The following TMTC2 variants were observed in gnomAD, a reference collection of about 807,000 sequenced individuals.
The protein encoded by TMTC2 is transmembrane O-mannosyltransferase targeting cadherins 2, also known as protein O-mannosyl-transferase TMTC2.
Under a neutral mutation model 82.4 loss-of-function variants are expected in TMTC2, and 43 were observed. That is an observed-to-expected ratio of 0.52 (90% CI 0.41 to 0.67). The LOEUF (loss-of-function observed/expected upper bound fraction) is 0.67, where lower values mean the gene tolerates loss of function less well. Ranked by LOEUF, TMTC2 falls within the 30% of genes least tolerant of loss-of-function variation. The pLI, the probability that TMTC2 is intolerant of heterozygous loss-of-function variation, is 0.00. For synonymous variants in TMTC2, 408 were observed against 381.9 expected, an observed-to-expected ratio of 1.07 and a Z score of -0.80; for missense variants, 919 against 1,012.4, an observed-to-expected ratio of 0.91 and a Z score of 1.25.
chr12:82,745,160 T>A (rs749633115), intron 1 of TMTC2, among the ~76,000 whole-genome samples: 3 of 152,046 alleles, frequency 2.0e-5, no homozygotes, highest in Non-Finnish European at 4.4e-5. Context: ...TCTCTTCGTG[T>A]GTGTGCCCTT....
chr12:83,104,083 T>C (rs1255421544), intron 11 of TMTC2, among the ~76,000 whole-genome samples: 8 of 152,224 alleles, frequency 5.3e-5, no homozygotes, highest in Non-Finnish European at 7.3e-5. Flanking sequence ...ATGTCCCACA[T>C]CCAGGGCACA....
At chr12:82,818,582 A>G (rs1868890432) in intron 1 of TMTC2, among the ~76,000 whole-genome samples, 1 of 152,190 alleles carries the variant, frequency 6.6e-6, no homozygotes, top group Non-Finnish European at 1.5e-5. Context: ...GTGTAAATGT[A>G]AAGGCATCCC....
At chr12:82,983,871 C>A (rs1417767328) in intron 7 of TMTC2, among the ~76,000 whole-genome samples, 1 of 151,824 alleles carries the variant, frequency 6.6e-6, no homozygotes, top group Non-Finnish European at 1.5e-5. Context: ...TGTATCTTTT[C>A]TGTTATATAA....
At chr12:82,918,218 T>C (rs1321103353) in intron 3 of TMTC2, among the ~76,000 whole-genome samples, 2 of 152,204 alleles carry the variant, frequency 1.3e-5, no homozygotes, top group Admixed American at 6.5e-5. Context: ...CAAAATTGGC[T>C]TTTAATCTGA....
chr12:82,972,893 T>C lies in TMTC2; in HGVS notation c.1948+5896T>C, dbSNP rs151029013. On this transcript the variant is annotated intron_variant, in intron 7 of 11. Coordinates refer to ENST00000321196, the MANE Select transcript of TMTC2 (RefSeq NM_152588.3). ...TTTTTGTTGGATTCTTCTGTGTGTG[T>C]ATGTGCATGTGTGTTTACCTCACCT... Among the ~76,000 whole-genome samples the C allele has an allele frequency of 4.7e-3, 709 of 152,296 alleles. 4 individuals are homozygous for C. Among genetic ancestry groups the C allele is most frequent in the African/African-American group, 0.016 (665 of 41,560 alleles).
At chr12:82,820,973 C>G (rs769672919) in intron 1 of TMTC2, among the ~76,000 whole-genome samples, 1 of 152,024 alleles carries the variant, frequency 6.6e-6, no homozygotes, top group Admixed American at 6.6e-5. Context: ...ATCTTCCTGC[C>G]TCCACTTCTG....
chr12:82,809,087 TA>T (rs1270184516), intron 1 of TMTC2, among the ~76,000 whole-genome samples: 3 of 148,908 alleles, frequency 2.0e-5, no homozygotes, highest in African/African-American at 7.3e-5. Flanking sequence ...TTATATAATT[TA>T]TATATTATTT....
chr12:82,751,991 G>T (rs1876031529), intron 1 of TMTC2, among the ~76,000 whole-genome samples: 1 of 152,070 alleles, frequency 6.6e-6, no homozygotes, highest in African/African-American at 2.4e-5. Context: ...TTGGCTATTG[G>T]TGTTTAAACG....
intron 1 of TMTC2, among the ~76,000 whole-genome samples, chr12:82,814,528 T>C (rs903348546): frequency 1.3e-5 from 2 of 152,176 alleles, no homozygotes; most frequent in African/African-American, 4.8e-5. Context: ...ATGTTGAGCA[T>C]AGTCATCTCC....
chr12:82,972,506 G>C (rs1878494278), intron 7 of TMTC2, among the ~76,000 whole-genome samples: 2 of 152,052 alleles, frequency 1.3e-5, no homozygotes, highest in African/African-American at 4.8e-5. Context: ...TTATTGGGCT[G>C]TTCACAGAGA....
rs1878264797 is a variant in TMTC2 at position 82,967,462 on chromosome 12, T to C, written c.1948+465T>C. On this transcript the variant is annotated intron_variant, in intron 7 of 11. Coordinates refer to ENST00000321196, the MANE Select transcript of TMTC2 (RefSeq NM_152588.3). ...GATATGCTACAACAATTATTCTATG[T>C]TTTATGTTGAAAAATTGCCTAATTC... Among the ~76,000 whole-genome samples, 7 of 152,104 alleles carry C rather than the reference T, an allele frequency of 4.6e-5. No homozygotes were observed. The South Asian group carries it at 1.5e-3, about 32-fold the overall frequency.
intron 4 of TMTC2, among the ~76,000 whole-genome samples, chr12:82,948,978 G>A (rs780713165): frequency 2.0e-5 from 3 of 151,998 alleles, no homozygotes; most frequent in Non-Finnish European, 2.9e-5. Context: ...ACTCAGCATT[G>A]GCGCTGCTTT....
intron 1 of TMTC2, among the ~76,000 whole-genome samples, chr12:82,839,599 A>T (rs1870228099): frequency 6.6e-6 from 1 of 152,174 alleles, no homozygotes; most frequent in Admixed American, 6.5e-5. Flanking sequence ...AACATAATAA[A>T]GTGTGTAATT....
At chr12:82,744,277 A>T (rs956720971) in intron 1 of TMTC2, among the ~76,000 whole-genome samples, 3 of 152,176 alleles carry the variant, frequency 2.0e-5, no homozygotes, top group Non-Finnish European at 4.4e-5. Context: ...TACAAAAATT[A>T]GCTGGGCGTA....
chr12:82,820,615 T>C (rs145674874), intron 1 of TMTC2, among the ~76,000 whole-genome samples: 2 of 152,330 alleles, frequency 1.3e-5, no homozygotes, highest in African/African-American at 4.8e-5. Context: ...CCTCAGGTGA[T>C]CTGCCTGCCT....
In TMTC2 at chr12:82,861,307, T is replaced by C. The variant is rs1010172891; in HGVS notation, c.654+3727T>C. ...AGTTTACCTTTGTCTTAGGTGTTGC[T>C]TAAGCTTGATTCTACATCCGGATGT... On this transcript the variant is annotated intron_variant, in intron 2 of 11. Transcript: ENST00000321196. Among the ~76,000 whole-genome samples, 6 of 152,348 alleles carry C rather than the reference T, an allele frequency of 3.9e-5. No individual in the cohort carries two copies. The South Asian group carries it at 6.2e-4, about 16-fold the overall frequency.
intron 8 of TMTC2, among the ~76,000 whole-genome samples, chr12:83,024,342 A>G (rs1193070188): frequency 6.6e-6 from 1 of 152,228 alleles, no homozygotes; most frequent in Non-Finnish European, 1.5e-5. Context: ...TCATTTAACT[A>G]TAATGCATGG....
At chr12:82,935,482 G>A (rs982010318) in intron 4 of TMTC2, among the ~76,000 whole-genome samples, 1 of 152,092 alleles carries the variant, frequency 6.6e-6, no homozygotes, top group Non-Finnish European at 1.5e-5. Flanking sequence ...CAGAGACAAA[G>A]CAGATGAATC....
intron 9 of TMTC2, among the ~76,000 whole-genome samples, chr12:83,037,210 T>G (rs969703003): frequency 2.6e-5 from 4 of 152,214 alleles, no homozygotes; most frequent in African/African-American, 7.2e-5. Flanking sequence ...ATAATAGGTT[T>G]GGTCTTTCAA....
Sources: gnomAD v4.1 joint callset for allele counts (sites outside exome capture counted in the v4.1 genomes callset) on GRCh38, gnomAD v4.1.1 for gene constraint, MANE v1.5 for transcripts, NCBI Gene and HGNC (gene_info 2026-07-23, HGNC 2026-07-21) for gene names.